The following OR14A2 variants were observed in gnomAD, a reference collection of about 807,000 sequenced individuals.
OR14A2 encodes the protein olfactory receptor family 14 subfamily A member 2.
For synonymous variants in OR14A2, 114 were observed against 58.6 expected (o/e 1.95, Z -4.32); for missense variants, 237 against 152.9 (o/e 1.55, Z -2.90).
chr1:247,743,799 T>C, the OR14A2 span, among the ~76,000 whole-genome samples: 958 of 152,260 alleles, frequency 6.3e-3, 5 homozygotes, highest in African/African-American at 0.022. Context: ...CATGGAAACA[T>C]AAGTCTTTAA....
the OR14A2 span, among the ~76,000 whole-genome samples, chr1:247,747,522 C>A: frequency 6.6e-6 from 1 of 151,938 alleles, no homozygotes; most frequent in Non-Finnish European, 1.5e-5. Flanking sequence ...CCACCACGCC[C>A]GGCTAATTTT....
upstream of OR14A2, among the ~76,000 whole-genome samples, chr1:247,725,389 G>C (rs1220015300): frequency 6.6e-6 from 1 of 152,006 alleles, no homozygotes. Context: ...TACTTCAATG[G>C]TCAGTCTGGA....
At chr1:247,739,345 T>C in the OR14A2 span, 1 of 780,862 alleles carries the variant, frequency 1.3e-6, no homozygotes, top group Middle Eastern at 2.3e-4. Flanking sequence ...CCTCACCTCA[T>C]TGTTGTCACT....
chr1:247,737,896 C>G, the OR14A2 span, among the ~76,000 whole-genome samples: 1 of 152,176 alleles, frequency 6.6e-6, no homozygotes, highest in South Asian at 2.1e-4. Flanking sequence ...TAAATCCTTC[C>G]TAGAATATTA....
the OR14A2 span, among the ~76,000 whole-genome samples, chr1:247,740,679 C>T: frequency 6.6e-6 from 1 of 152,216 alleles, no homozygotes; most frequent in East Asian, 1.9e-4. Context: ...ATTTCAAGTA[C>T]CCTAAATGTG....
chr1:247,728,267 A>G (rs1381593905), upstream of OR14A2, among the ~76,000 whole-genome samples: 2 of 152,190 alleles, frequency 1.3e-5, no homozygotes, highest in African/African-American at 4.8e-5. Flanking sequence ...GGCTCGTTCA[A>G]TATACGCAAA....
At chr1:247,727,375 A>G (rs150020054), upstream of OR14A2, among the ~76,000 whole-genome samples, 16,566 of 149,306 alleles carry the variant, frequency 0.11, 1,618 homozygotes, top group African/African-American at 0.27. Flanking sequence ...ACTTTTGTAC[A>G]TTGATTTTGT....
chr1:247,725,511 TTATTTTTTATTTATTTA>T (rs1660322551), upstream of OR14A2, among the ~76,000 whole-genome samples: 1 of 150,560 alleles, frequency 6.6e-6, no homozygotes, highest in African/African-American at 2.4e-5. Context: ...ATTTATTTAT[TTATTTTTTATTTATTTA>T]TTTTTTTTAT....
upstream of OR14A2, among the ~76,000 whole-genome samples, chr1:247,725,783 T>C (rs1572471745): frequency 3.1e-5 from 4 of 130,652 alleles, no homozygotes; most frequent in East Asian, 9.1e-4. Flanking sequence ...TATGCGGTGT[T>C]TGGTTTTTTG....
the OR14A2 span, among the ~76,000 whole-genome samples, chr1:247,736,368 C>T: frequency 1.3e-5 from 2 of 152,022 alleles, no homozygotes; most frequent in African/African-American, 4.8e-5. Flanking sequence ...TGTATTTTCC[C>T]AGTTTTAGAT....
the OR14A2 span, among the ~76,000 whole-genome samples, chr1:247,730,538 T>G: frequency 0.035 from 5,277 of 152,144 alleles, 315 homozygotes; most frequent in African/African-American, 0.12. Flanking sequence ...CTTTTAAAAA[T>G]TTGTTGGTTT....
chr1:247,739,060 A>G, the OR14A2 span: 5 of 780,722 alleles, frequency 6.4e-6, no homozygotes, highest in South Asian at 6.7e-5. Context: ...TCCTGGCTCA[A>G]CAGAGGGGCC....
chr1:247,723,638 T>C (rs1350350516), exon 1 of OR14A2: 8 of 718,380 alleles, frequency 1.1e-5, no homozygotes, highest in Non-Finnish European at 2.1e-5. Flanking sequence ...CAGACTCCAG[T>C]ATTCATGATT....
At chr1:247,729,789 C>T in the OR14A2 span, among the ~76,000 whole-genome samples, 1 of 151,880 alleles carries the variant, frequency 6.6e-6, no homozygotes, top group African/African-American at 2.4e-5. Context: ...CTTTCCACCC[C>T]ATTGCTCGAG....
At chr1:247,732,842 A>G in the OR14A2 span, among the ~76,000 whole-genome samples, 1 of 152,174 alleles carries the variant, frequency 6.6e-6, no homozygotes, top group African/African-American at 2.4e-5. Flanking sequence ...CAAGTCTGAA[A>G]GTCTGGCTTC....
the OR14A2 span, among the ~76,000 whole-genome samples, chr1:247,744,233 C>T: frequency 1.9e-3 from 289 of 152,262 alleles, 2 homozygotes; most frequent in Admixed American, 5.2e-3. The surrounding 1 kb of genome is among the most constrained non-coding windows in gnomAD (Gnocchi z 4.3). Flanking sequence ...TAGCTCTTTT[C>T]ATATAATTTA....
chr1:247,743,889 C>T, the OR14A2 span, among the ~76,000 whole-genome samples: 29 of 151,982 alleles, frequency 1.9e-4, no homozygotes, highest in African/African-American at 6.3e-4. Flanking sequence ...TCTAACCTCA[C>T]GAGAAATATT....
the OR14A2 span, among the ~76,000 whole-genome samples, chr1:247,743,297 A>T: frequency 1.3e-5 from 2 of 151,900 alleles, no homozygotes; most frequent in Non-Finnish European, 2.9e-5. Context: ...CCATGCCAGA[A>T]CACCTCCCAC....
chr1:247,745,979 A>T, the OR14A2 span, among the ~76,000 whole-genome samples: 1 of 152,162 alleles, frequency 6.6e-6, no homozygotes, highest in Non-Finnish European at 1.5e-5. Flanking sequence ...CAGGATATTT[A>T]CTTAACCAAT....
Sources: gnomAD v4.1 joint callset for allele counts (sites outside exome capture counted in the v4.1 genomes callset) on GRCh38, gnomAD v4.1.1 for gene constraint, Gnocchi (gnomAD v3.1) non-coding constraint, MANE v1.5 for transcripts, NCBI Gene and HGNC (gene_info 2026-07-23, HGNC 2026-07-21) for gene names.